NALCN: variants seen among roughly 807,000 people sequenced by gnomAD.
The protein encoded by NALCN is sodium leak channel, non-selective.
A neutral mutation model predicts 225.3 loss-of-function variants in NALCN; 111 were observed. The observed-to-expected ratio is 0.49, with a 90% CI of 0.42 to 0.58. The LOEUF (loss-of-function observed/expected upper bound fraction) is 0.58. Among genes scored for constraint, NALCN ranks in the 20% least tolerant of loss-of-function variants. The pLI, the probability that NALCN is intolerant of heterozygous loss-of-function variation, is 0.00. For synonymous variants in NALCN, 764 were observed against 769.0 expected (o/e 0.99, Z 0.11); for missense variants, 1,378 against 2,202.4 (o/e 0.63, Z 7.49).
intron 9 of NALCN, among the ~76,000 whole-genome samples, chr13:101,286,377 A>G (rs2043339519): frequency 6.6e-6 from 1 of 152,184 alleles, no homozygotes; most frequent in African/African-American, 2.4e-5. Flanking sequence ...GGATGCAAGC[A>G]GAAACCCTCT....
intron 10 of NALCN, among the ~76,000 whole-genome samples, chr13:101,283,479 C>T (rs577984469): frequency 1.3e-5 from 2 of 152,260 alleles, no homozygotes; most frequent in African/African-American, 4.8e-5. Context: ...CTTATGTTTG[C>T]TATCAGTGCA....
chr13:101,205,792 T>C (rs541663642), intron 13 of NALCN, among the ~76,000 whole-genome samples: 67 of 152,214 alleles, frequency 4.4e-4, no homozygotes, highest in African/African-American at 1.5e-3. Context: ...GTACATGAAA[T>C]TGATATTTTC....
At chr13:101,343,795 C>A (rs1480849900) in intron 7 of NALCN, among the ~76,000 whole-genome samples, 2 of 152,140 alleles carry the variant, frequency 1.3e-5, no homozygotes, top group African/African-American at 4.8e-5. Context: ...TTAAGCAAAG[C>A]CATTGTAAGT....
In NALCN at chr13:101,093,749, G is replaced by C. The variant is rs114258939; in HGVS notation, c.3269+1825C>G. On this transcript the variant is annotated intron_variant, in intron 28 of 43. Coordinates refer to ENST00000251127, the MANE Select transcript of NALCN (RefSeq NM_052867.4). ...TTCCAGCTCCCTGTCTGAATTCTTGGGGAGGTCCCAGAGCTTTTTGGTTAT... is the reference window on the plus strand; with the variant it reads ...TTCCAGCTCCCTGTCTGAATTCTTGCGGAGGTCCCAGAGCTTTTTGGTTAT... 7.6e-3 allele frequency among the ~76,000 whole-genome samples: 1,160 copies of C among 152,174 alleles called. 17 individuals are homozygous for C. The highest frequency in any genetic ancestry group is 0.025 in the African/African-American group (1,047 of 41,514).
chr13:101,398,833 T>C (rs2047387286), intron 2 of NALCN, among the ~76,000 whole-genome samples, 186 bp downstream of exon 2: 1 of 152,116 alleles, frequency 6.6e-6, no homozygotes, highest in Admixed American at 6.6e-5. Context: ...CATCTTCCTA[T>C]GTGAGTAACT....
intron 7 of NALCN, among the ~76,000 whole-genome samples, chr13:101,342,148 G>A (rs1387505540): frequency 6.6e-6 from 1 of 152,072 alleles, no homozygotes; most frequent in African/African-American, 2.4e-5. Flanking sequence ...ATACAGGTGT[G>A]TGTGTGTCTA....
At chr13:101,093,927 A>C (rs2034367546) in intron 28 of NALCN, among the ~76,000 whole-genome samples, 1 of 152,112 alleles carries the variant, frequency 6.6e-6, no homozygotes, top group Non-Finnish European at 1.5e-5. Context: ...CGAGATTCTC[A>C]CATGACTGAG....
chr13:101,122,384 T>C (rs2036021447), intron 18 of NALCN, among the ~76,000 whole-genome samples: 2 of 152,202 alleles, frequency 1.3e-5, no homozygotes, highest in South Asian at 4.1e-4. Context: ...TTTAAGGTGC[T>C]GCCTCTCATT....
At chr13:101,149,959 T>C (rs746804602) in intron 15 of NALCN, among the ~76,000 whole-genome samples, 2 of 152,220 alleles carry the variant, frequency 1.3e-5, no homozygotes, top group Non-Finnish European at 2.9e-5. Flanking sequence ...AAGCCCTCCC[T>C]TGGCCACAGC....
At chr13:101,094,659 T>A (rs2034410642) in intron 28 of NALCN, among the ~76,000 whole-genome samples, 1 of 152,082 alleles carries the variant, frequency 6.6e-6, no homozygotes, top group Non-Finnish European at 1.5e-5. Context: ...GAATCCTTTT[T>A]CTCAGTTCTT....
chr13:101,270,550 CATAA>C (rs2042743431), intron 10 of NALCN, among the ~76,000 whole-genome samples: 1 of 152,064 alleles, frequency 6.6e-6, no homozygotes. Flanking sequence ...TAAATGCATA[CATAA>C]ATAAAATAAT....
chr13:101,088,780 TAC>T (rs1478105628), intron 30 of NALCN, among the ~76,000 whole-genome samples: 1 of 152,236 alleles, frequency 6.6e-6, no homozygotes, highest in African/African-American at 2.4e-5. Context: ...GATAGGAAAC[TAC>T]ATTGTTATTT....
In NALCN at chr13:101,110,932, A is replaced by C. The variant is rs578170160; in HGVS notation, c.2294+193T>G. On this transcript the variant is annotated intron_variant, in intron 19 of 43. Transcript: ENST00000251127. Reference sequence around the variant, plus strand: ...GCCATCTCTAAGGAAAAGGATTGTGAAGTAGAGATTTTTTTGAATCTTTGG... The same window carrying C: ...GCCATCTCTAAGGAAAAGGATTGTGCAGTAGAGATTTTTTTGAATCTTTGG... Among the ~76,000 whole-genome samples, 3 of 152,298 alleles carry C rather than the reference A, an allele frequency of 2.0e-5. No individual in the cohort carries two copies. In the East Asian group the frequency reaches 5.8e-4, roughly 29 times the overall value.
At chr13:101,079,978 A>C (rs1040615409) in intron 34 of NALCN, among the ~76,000 whole-genome samples, 2 of 152,234 alleles carry the variant, frequency 1.3e-5, no homozygotes, top group African/African-American at 4.8e-5. Context: ...GGAAAAACCG[A>C]TAATATTCCT....
chr13:101,381,012 A>T (rs1209319442), intron 3 of NALCN, among the ~76,000 whole-genome samples: 4 of 152,132 alleles, frequency 2.6e-5, no homozygotes, highest in Non-Finnish European at 2.9e-5. Context: ...GAAAGATGGT[A>T]AGATTAATTC....
chr13:101,178,401 G>A (rs1294564226), intron 14 of NALCN, among the ~76,000 whole-genome samples: 1 of 152,182 alleles, frequency 6.6e-6, no homozygotes, highest in Non-Finnish European at 1.5e-5. Flanking sequence ...TTTTCTTAGA[G>A]CATTTCCTTT....
At chr13:101,103,602 C>T (rs1253699318) in intron 25 of NALCN, among the ~76,000 whole-genome samples, 1 of 152,080 alleles carries the variant, frequency 6.6e-6, no homozygotes, top group Non-Finnish European at 1.5e-5. Context: ...TCTGCCTCTT[C>T]TTTTAACTTA....
chr13:101,115,616 T>C (rs1476461555), intron 18 of NALCN, among the ~76,000 whole-genome samples: 1 of 152,176 alleles, frequency 6.6e-6, no homozygotes, highest in Non-Finnish European at 1.5e-5. Context: ...ATTTTGCCAC[T>C]TTACATTTTT....
intron 17 of NALCN, among the ~76,000 whole-genome samples, chr13:101,140,937 AAAAAAT>A (rs2037048067): frequency 6.6e-6 from 1 of 152,152 alleles, no homozygotes; most frequent in African/African-American, 2.4e-5. Flanking sequence ...CTCATCTCTA[AAAAAAT>A]AAAAATAAAA....
Sources: allele counts gnomAD v4.1 joint callset (sites outside exome capture counted in the v4.1 genomes callset), GRCh38; gene constraint gnomAD v4.1.1; transcripts MANE v1.5; gene names NCBI Gene and HGNC (gene_info 2026-07-23, HGNC 2026-07-21).